RASSF2: variants seen among roughly 807,000 people sequenced by gnomAD.
RASSF2 encodes the protein Ras association domain family member 2.
RASSF2 carries 34 observed loss-of-function variants against 46.3 expected under a neutral mutation model. The observed-to-expected ratio is 0.73, with a 90% CI of 0.56 to 0.98. The LOEUF is 0.98. Ranked by LOEUF, RASSF2 falls within the 50% of genes least tolerant of loss-of-function variation. The probability of loss-of-function intolerance (pLI) is 0.00; values close to 1 mark genes in which losing one functional copy is unlikely to be tolerated. For synonymous variants in RASSF2, 158 were observed against 162.5 expected (o/e 0.97, Z 0.21); for missense variants, 364 against 431.2 (o/e 0.84, Z 1.38).
At chr20:4,785,557 C>T (rs1416572513) in intron 11 of RASSF2, among the ~76,000 whole-genome samples, 1 of 152,268 alleles carries the variant, frequency 6.6e-6, no homozygotes, top group South Asian at 2.1e-4. Context: ...CCCAGAAAGC[C>T]GCTTTATTTT....
In RASSF2 at chr20:4,792,609, C is replaced by T. The variant is rs1273314015; in HGVS notation, c.306G>A (p.Leu102=). The T allele has an allele frequency of 1.4e-5, 23 of 1,613,916 alleles. No individual in the cohort carries two copies. Among genetic ancestry groups the T allele is most frequent in the Non-Finnish European group, 1.9e-5 (23 of 1,179,966 alleles). Residue 102 remains leucine, a synonymous_variant, in exon 6 of 12, where the codon CTG becomes CTA. Transcript: ENST00000379400. ...LGAQGTTLKP[L]TVPKVQISEV... ...CTGAGATCTGAACTTTGGGCACAGT[C>T]AGGGGCTTCAGAGTGGTTCTGGGAG...
chr20:4,793,643 T>TA lies in RASSF2; in HGVS notation c.288-1017_288-1016insT, dbSNP rs1229968374. On this transcript the variant is annotated intron_variant, in intron 5 of 11. Transcript: ENST00000379400. ...ACCGGTCTCAGCATCCTTATTTTTTTTTTTTATTTTATTTTTTTGTAGAGA... is the reference window on the plus strand; with the variant it reads ...ACCGGTCTCAGCATCCTTATTTTTTTATTTTTATTTTATTTTTTTGTAGAGA... Among the ~76,000 whole-genome samples the TA allele has an allele frequency of 2.0e-5, 3 of 151,800 alleles. 1 individual carries two copies. The highest frequency in any genetic ancestry group is 7.3e-5 in the African/African-American group (3 of 41,340).
Position 4,795,045 on chromosome 20 carries a change from C to T in RASSF2, c.287+770G>A, listed in dbSNP as rs1337870004. Reference sequence around the variant, plus strand: ...GAGCACACTCCACCCAGGCTGGGGCCGAAGGCAGTCAGCATCAGCAGGTTT... The same window carrying T: ...GAGCACACTCCACCCAGGCTGGGGCTGAAGGCAGTCAGCATCAGCAGGTTT... On this transcript the variant is annotated intron_variant, in intron 5 of 11. Coordinates refer to ENST00000379400, the MANE Select transcript of RASSF2 (RefSeq NM_014737.3). This position sits in a 1 kb window ranked among gnomAD's most constrained non-coding sequence, Gnocchi z 4.0. Among the ~76,000 whole-genome samples, 1 of 152,162 alleles carries T rather than the reference C, an allele frequency of 6.6e-6. No homozygotes were observed. Among genetic ancestry groups the T allele is most frequent in the Non-Finnish European group, 1.5e-5 (1 of 68,038 alleles).
At chr20:4,814,032 C>T (rs1928073408) in intron 2 of RASSF2, among the ~76,000 whole-genome samples, 1 of 152,126 alleles carries the variant, frequency 6.6e-6, no homozygotes, top group African/African-American at 2.4e-5. Context: ...ACAACACTGG[C>T]CCCAATAAAG....
At chr20:4,793,761 C>T (rs1320755701) in intron 5 of RASSF2, among the ~76,000 whole-genome samples, 1 of 152,028 alleles carries the variant, frequency 6.6e-6, no homozygotes, top group Non-Finnish European at 1.5e-5. Context: ...ATTATAGGCA[C>T]GATCCACCAC....
chr20:4,794,712 C>CAAAA (rs1223794883), intron 5 of RASSF2, among the ~76,000 whole-genome samples: 1 of 152,124 alleles, frequency 6.6e-6, no homozygotes, highest in Admixed American at 6.5e-5. Flanking sequence ...TTGTCTCAAA[C>CAAAA]AAAACAAAAC....
intron 11 of RASSF2, 57 bp downstream of exon 11, chr20:4,786,174 G>A (rs1184422116): frequency 1.3e-5 from 18 of 1,387,758 alleles, no homozygotes; most frequent in Non-Finnish European, 1.7e-5. Context: ...CCCAGCAGAG[G>A]CCCCTCTGTT....
Position 4,812,084 on chromosome 20 carries a change from G to A in RASSF2, c.-33+10245C>T, listed in dbSNP as rs529724308. ...AAACCCCAGCCCCATTGCACCACACGAGGAAGGAGACTTGAGCTGCGGGCT... is the reference window on the plus strand; with the variant it reads ...AAACCCCAGCCCCATTGCACCACACAAGGAAGGAGACTTGAGCTGCGGGCT... On this transcript the variant is annotated intron_variant, in intron 2 of 11. Coordinates refer to ENST00000379400, the MANE Select transcript of RASSF2 (RefSeq NM_014737.3). The surrounding 1 kb of genome is among the most constrained non-coding windows in gnomAD (Gnocchi z 4.0). 6.6e-6 allele frequency among the ~76,000 whole-genome samples: 1 copy of A among 152,306 alleles called. No individual in the cohort carries two copies. Among genetic ancestry groups the A allele is most frequent in the African/African-American group, 2.4e-5 (1 of 41,572 alleles).
chr20:4,787,746 T>C lies in RASSF2; in HGVS notation c.700A>G (p.Lys234Glu). 6.2e-7 allele frequency: 1 copy of C among 1,614,098 alleles called. No homozygotes were observed. The highest frequency in any genetic ancestry group is 1.3e-5 in the African/African-American group (1 of 75,002). Reference protein sequence around the residue: ...YVVHTSGEKQKLKATDYPLIA... With the variant: ...YVVHTSGEKQELKATDYPLIA... ...AGCGGGTAATCGGTGGCCTTCAGCTTCTGTTTCTCTGCAACCACACACACC... is the reference window on the plus strand; with the variant it reads ...AGCGGGTAATCGGTGGCCTTCAGCTCCTGTTTCTCTGCAACCACACACACC... Residue 234 changes from lysine (K) to glutamate (E), a missense_variant, in exon 10 of 12, where the codon AAG becomes GAG. Lys to Glu is a moderately conservative substitution (Grantham distance 56, BLOSUM62 1). Coordinates refer to ENST00000379400, the MANE Select transcript of RASSF2 (RefSeq NM_014737.3).
rs181398366 is a variant in RASSF2, at chr20:4,812,395, C to T, written c.-33+9934G>A. Reference sequence around the variant, plus strand: ...CCCAAAGACACACAGCTAGAAGGGGCGGAGCTGAGGCTCAAATCCAGGGCG... The same window carrying T: ...CCCAAAGACACACAGCTAGAAGGGGTGGAGCTGAGGCTCAAATCCAGGGCG... On this transcript the variant is annotated intron_variant, in intron 2 of 11. Transcript: ENST00000379400. The surrounding 1 kb of genome is among the most constrained non-coding windows in gnomAD (Gnocchi z 4.0). Among the ~76,000 whole-genome samples the T allele has an allele frequency of 3.9e-5, 6 of 152,350 alleles. No individual in the cohort carries two copies. The highest frequency in any genetic ancestry group is 1.2e-4 in the African/African-American group (5 of 41,578).
rs574201040 is a variant in RASSF2, at chr20:4,785,171, A to G, written c.912-829T>C. 1.7e-3 allele frequency among the ~76,000 whole-genome samples: 260 copies of G among 151,190 alleles called. 2 individuals carry two copies. The highest frequency in any genetic ancestry group is 3.1e-3 in the African/African-American group (128 of 41,284). ...CTAAAAATACAAAAAAAAAAAAAAA[A>G]AAAGAAAGAAAGAAAAAAATAGCTA... On this transcript the variant is annotated intron_variant, in intron 11 of 11. Transcript: ENST00000379400.
Position 4,811,711 on chromosome 20 carries a change from C to T in RASSF2, c.-33+10618G>A, listed in dbSNP as rs545785901. Among the ~76,000 whole-genome samples the T allele has an allele frequency of 3.3e-5, 5 of 152,304 alleles. 1 individual carries two copies. Among genetic ancestry groups the T allele is most frequent in the African/African-American group, 1.2e-4 (5 of 41,570 alleles). The stretch of plus-strand genomic sequence containing the variant: ...GCAGGCACTGAGCTGACGCAAAGGG[C>T]TCCTTCTTGCAAGCCAGGGCACCAT... On this transcript the variant is annotated intron_variant, in intron 2 of 11. Transcript: ENST00000379400.
At chr20:4,819,927 T>C (rs1319421206) in intron 2 of RASSF2, among the ~76,000 whole-genome samples, 1 of 152,224 alleles carries the variant, frequency 6.6e-6, no homozygotes, top group Non-Finnish European at 1.5e-5. Flanking sequence ...CACAGCTGCC[T>C]TGAGCAGCAG....
rs920273208 is a variant in RASSF2 at position 4,801,181 on chromosome 20, C to A, written c.-32-119G>T. 1.7e-5 allele frequency: 12 copies of A among 703,654 alleles called. No individual in the cohort carries two copies. In the African/African-American group the frequency reaches 1.8e-4, roughly 10 times the overall value. The allele number at this position is 703,654 out of a possible 1,614,324, so 43.6% of individuals were successfully genotyped here. The stretch of plus-strand genomic sequence containing the variant: ...GCCATGGCTCTCCGTTCCTCCCCAC[C>A]CAGATCCACAGCTAACACTGACCCA... On this transcript the variant is annotated intron_variant, in intron 2 of 11. Coordinates refer to ENST00000379400, the MANE Select transcript of RASSF2 (RefSeq NM_014737.3).
chr20:4,804,631 C>A (rs1445388210), intron 2 of RASSF2, among the ~76,000 whole-genome samples: 2 of 152,160 alleles, frequency 1.3e-5, no homozygotes, highest in Non-Finnish European at 2.9e-5. Context: ...AGCCACCATG[C>A]CTGGCCAAAA....
At chr20:4,792,475 C>T (rs1568566768) in intron 6 of RASSF2, 64 bp downstream of exon 6, 3 of 1,603,060 alleles carry the variant, frequency 1.9e-6, no homozygotes, top group East Asian at 2.3e-5. Context: ...CAGTTTACAA[C>T]ATCTATCACA....
Position 4,783,758 on chromosome 20 carries a change from T to C in RASSF2, c.*515A>G, listed in dbSNP as rs941383698. The C allele has an allele frequency of 6.5e-6, 1 of 153,936 alleles. No homozygotes were observed. The highest frequency in any genetic ancestry group is 2.4e-5 in the African/African-American group (1 of 41,444). The allele number at this position is 153,936 out of a possible 1,614,324, so 9.5% of individuals were successfully genotyped here. A position where few individuals can be genotyped will look rare whatever the true frequency, so the allele number is the denominator to read the frequency against. On this transcript the variant is annotated 3_prime_UTR_variant, in exon 12 of 12. Coordinates refer to ENST00000379400, the MANE Select transcript of RASSF2 (RefSeq NM_014737.3). Reference sequence around the variant, plus strand: ...TACAGGGAGAATTTCTACCAACATATAAACAACCCAAATGGTGAACCTGGA... The same window carrying C: ...TACAGGGAGAATTTCTACCAACATACAAACAACCCAAATGGTGAACCTGGA...
At chr20:4,806,383 T>C (rs1036041014) in intron 2 of RASSF2, among the ~76,000 whole-genome samples, 1 of 152,026 alleles carries the variant, frequency 6.6e-6, no homozygotes, top group Non-Finnish European at 1.5e-5. Flanking sequence ...AACACTGGAG[T>C]CTTTCCTCAG....
intron 9 of RASSF2, 79 bp from the exon 10 acceptor site, chr20:4,787,833 C>G (rs375869209): frequency 4.6e-5 from 25 of 546,260 alleles, no homozygotes; most frequent in East Asian, 1.0e-4. Flanking sequence ...GGTCCAAAGG[C>G]ACCTTAGGAG....
Sources: gnomAD v4.1 joint callset for allele counts (sites outside exome capture counted in the v4.1 genomes callset) on GRCh38, gnomAD v4.1.1 for gene constraint, Gnocchi (gnomAD v3.1) non-coding constraint, MANE v1.5 for transcripts, NCBI Gene and HGNC (gene_info 2026-07-23, HGNC 2026-07-21) for gene names.